Variants in CSGALNACT2 observed in about 807,000 individuals in gnomAD.
CSGALNACT2 encodes chondroitin sulfate N-acetylgalactosaminyltransferase 2, also known as beta 4 GalNAcT-2.
In CSGALNACT2, 35 loss-of-function variants were observed where a neutral mutation model predicts 55.3. That is an observed-to-expected ratio of 0.63 (90% CI 0.48 to 0.84). The LOEUF is 0.84. CSGALNACT2 is among the 40% of genes least tolerant of loss of function. The probability of loss-of-function intolerance (pLI) is 0.00; values close to 1 mark genes in which losing one functional copy is unlikely to be tolerated. For synonymous variants in CSGALNACT2, 196 were observed against 224.9 expected (o/e 0.87, Z 1.15); for missense variants, 544 against 657.5 (o/e 0.83, Z 1.89).
At chr10:43,167,491 G>A (rs948888604) in intron 6 of CSGALNACT2, among the ~76,000 whole-genome samples, 8 of 152,056 alleles carry the variant, frequency 5.3e-5, no homozygotes, top group African/African-American at 1.9e-4. Context: ...TAAATTACCT[G>A]GAAAGTCATA....
intron 1 of CSGALNACT2, among the ~76,000 whole-genome samples, chr10:43,139,291 C>T (rs910927045): frequency 6.6e-6 from 1 of 152,156 alleles, no homozygotes; most frequent in Non-Finnish European, 1.5e-5. Context: ...ATAGTAGCTT[C>T]GATCTTGGAA....
In CSGALNACT2 at chr10:43,162,325, C is replaced by G. The variant is rs1227096624; in HGVS notation, c.981-1541C>G. 4 of 820,832 alleles carry G rather than the reference C, an allele frequency of 4.9e-6. No individual in the cohort carries two copies. In the African/African-American group the frequency reaches 7.0e-5, roughly 14 times the overall value. The allele number at this position is 820,832 out of a possible 1,614,324, so 50.8% of individuals were successfully genotyped here. On this transcript the variant is annotated intron_variant, in intron 4 of 7. Transcript: ENST00000374466. ...CAGTTGAGAAAATCCCAGGGAAGGACATTTTGCCCACTCTTGAGCCAATCA... is the reference window on the plus strand; with the variant it reads ...CAGTTGAGAAAATCCCAGGGAAGGAGATTTTGCCCACTCTTGAGCCAATCA...
In CSGALNACT2 at chr10:43,183,400, C is replaced by T. The variant is rs761609779; in HGVS notation, c.1487C>T (p.Pro496Leu). 4.3e-6 allele frequency: 7 copies of T among 1,614,122 alleles called. No individual in the cohort carries two copies. The highest frequency in any genetic ancestry group is 1.1e-5 in the South Asian group (1 of 91,082). ...AAGCGCTGTGCTGATGAGCTGACCC[C>T]CGAGCAGTACCGCATGTGCATCCAG... ...HEKRCADELT[P>L]EQYRMCIQSK... is the part of the protein sequence containing the mutation. The change falls in exon 8 of 8, where the codon CCC (proline) becomes CTC (leucine). Residue 496 changes from proline to leucine, a missense_variant. Physicochemically the swap from Pro to Leu is moderately conservative, Grantham distance 98. This residue lies in a region of CSGALNACT2 where 170 missense variants were observed against 256.2 expected (regional missense o/e 0.66). Coordinates refer to ENST00000374466, the MANE Select transcript of CSGALNACT2 (RefSeq NM_018590.5).
rs1283096770 is a variant in CSGALNACT2 at position 43,163,993 on chromosome 10, A to G, written c.1108A>G (p.Ile370Val). The G allele has an allele frequency of 1.9e-6, 3 of 1,613,974 alleles. No homozygotes were observed. The highest frequency in any genetic ancestry group is 1.3e-5 in the African/African-American group (1 of 74,920). Residue 370 changes from isoleucine to valine, a missense_variant, in exon 5 of 8, where the codon ATC (isoleucine) becomes GTC (valine). By Grantham distance (29) the Ile-to-Val change is conservative. This residue lies in a region of CSGALNACT2 where 170 missense variants were observed against 256.2 expected (regional missense o/e 0.66). Coordinates refer to ENST00000374466, the MANE Select transcript of CSGALNACT2 (RefSeq NM_018590.5). ...CTTGATGTTTTTCTGTGATGTTGAT[A>G]TCTATTTCTCAGCCGAATTCCTTAA... Reference protein sequence around the residue: ...EVLMFFCDVDIYFSAEFLNSC... With the variant: ...EVLMFFCDVDVYFSAEFLNSC...
intron 6 of CSGALNACT2, among the ~76,000 whole-genome samples, chr10:43,172,249 A>T (rs1438505183): frequency 6.6e-6 from 1 of 152,262 alleles, no homozygotes; most frequent in Non-Finnish European, 1.5e-5. Context: ...TTCTCTGGTG[A>T]ATATTGCATA....
intron 7 of CSGALNACT2, among the ~76,000 whole-genome samples, chr10:43,178,388 C>T (rs1039751172): frequency 3.3e-5 from 5 of 152,180 alleles, no homozygotes; most frequent in Middle Eastern, 6.8e-3. Flanking sequence ...TTTGGGAGGC[C>T]GAGGCGGGCA....
chr10:43,155,086 C>T lies in CSGALNACT2; in HGVS notation c.-64C>T. On this transcript the variant is annotated 5_prime_UTR_variant, in exon 2 of 8. Coordinates refer to ENST00000374466, the MANE Select transcript of CSGALNACT2 (RefSeq NM_018590.5). ...TGATTTTGTTTTTAATTTTTGATAA[C>T]TTTTTACTAAAGGTATGAACACACA... 7.7e-7 allele frequency: 1 copy of T among 1,293,954 alleles called. No individual in the cohort carries two copies. The highest frequency in any genetic ancestry group is 1.1e-6 in the Non-Finnish European group (1 of 929,730). The allele number at this position is 1,293,954 out of a possible 1,614,324, so 80.2% of individuals were successfully genotyped here.
intron 1 of CSGALNACT2, among the ~76,000 whole-genome samples, chr10:43,147,782 C>CTTTTTTTTTTTTTTT (rs372639057): frequency 2.8e-5 from 3 of 108,118 alleles, no homozygotes; most frequent in African/African-American, 3.5e-5. Flanking sequence ...GTCGAGTTAT[C>CTTTTTTTTTTTTTTT]TTTTTTTTTT....
chr10:43,171,059 G>A (rs1839372559), intron 6 of CSGALNACT2, among the ~76,000 whole-genome samples: 1 of 152,152 alleles, frequency 6.6e-6, no homozygotes, highest in South Asian at 2.1e-4. Context: ...AAAAAAGACA[G>A]TAAAGGGAAA....
rs1473691433 is a variant in CSGALNACT2 at position 43,167,335 on chromosome 10, A to G, written c.1254+237A>G. Among the ~76,000 whole-genome samples the G allele has an allele frequency of 2.7e-5, 4 of 150,512 alleles. No homozygotes were observed. The East Asian group carries it at 7.7e-4, about 29-fold the overall frequency. On this transcript the variant is annotated intron_variant, in intron 6 of 7. Transcript: ENST00000374466. ...AGGGGGAGCAGAGTTTAGGTCATAAAGGAAAACCTCATGTCCCAGAATGTG... is the reference window on the plus strand; with the variant it reads ...AGGGGGAGCAGAGTTTAGGTCATAAGGGAAAACCTCATGTCCCAGAATGTG...
intron 1 of CSGALNACT2, among the ~76,000 whole-genome samples, chr10:43,150,151 G>GT (rs1432224606): frequency 6.6e-6 from 1 of 152,174 alleles, no homozygotes; most frequent in Non-Finnish European, 1.5e-5. Context: ...ATTGTGAGTA[G>GT]TTTTTTTATT....
chr10:43,152,311 G>C (rs1838893461), intron 1 of CSGALNACT2, among the ~76,000 whole-genome samples: 1 of 152,142 alleles, frequency 6.6e-6, no homozygotes, highest in Admixed American at 6.5e-5. Context: ...TTATATGATA[G>C]AACAGCTATA....
rs899107334 is a variant in CSGALNACT2, at chr10:43,183,444, G to T, written c.1531G>T (p.Ala511Ser). 6.2e-7 allele frequency: 1 copy of T among 1,614,118 alleles called. No homozygotes were observed. Among genetic ancestry groups the T allele is most frequent in the Non-Finnish European group, 8.5e-7 (1 of 1,179,988 alleles). ...MCIQSKAMNEASHSHLGMLVF... is the reference protein window; with the variant it reads ...MCIQSKAMNESSHSHLGMLVF... Reference sequence around the variant, plus strand: ...CATCCAGTCTAAAGCCATGAATGAGGCCTCTCACTCCCACCTGGGAATGCT... The same window carrying T: ...CATCCAGTCTAAAGCCATGAATGAGTCCTCTCACTCCCACCTGGGAATGCT... Residue 511 changes from alanine (A) to serine (S), a missense_variant, in exon 8 of 8, where the codon GCC becomes TCC. Physicochemically the swap from Ala to Ser is moderately conservative, Grantham distance 99 (BLOSUM62 1). Coordinates refer to ENST00000374466, the MANE Select transcript of CSGALNACT2 (RefSeq NM_018590.5).
intron 4 of CSGALNACT2, 145 bp from the exon 5 acceptor site, chr10:43,163,721 C>T: frequency 7.4e-7 from 1 of 1,348,490 alleles, no homozygotes; most frequent in Non-Finnish European, 9.5e-7. Flanking sequence ...ACACATGAAG[C>T]TGGGATTTTC....
chr10:43,181,581 T>C (rs747447470), intron 7 of CSGALNACT2, among the ~76,000 whole-genome samples: 67 of 152,050 alleles, frequency 4.4e-4, no homozygotes, highest in Non-Finnish European at 7.8e-4. Context: ...CCCCAGATTA[T>C]TGTCCATCCT....
rs1379984572 is a variant in CSGALNACT2, at chr10:43,184,208, A to T, written c.*666A>T. 6.6e-6 allele frequency: 1 copy of T among 152,346 alleles called. No homozygotes were observed. Among genetic ancestry groups the T allele is most frequent in the Non-Finnish European group, 1.5e-5 (1 of 68,122 alleles). 9.4% of individuals were successfully genotyped at this position (152,346 alleles called of 1,614,324 possible). A position where few individuals can be genotyped will look rare whatever the true frequency, so the allele number is the denominator to read the frequency against. ...GGCTTGATTAAAAATATGTTATTAC[A>T]TTATCATGTTCAGGATTAGGATTAG... On this transcript the variant is annotated 3_prime_UTR_variant, in exon 8 of 8. Transcript: ENST00000374466.
At chr10:43,143,312 TTGA>T (rs988055735) in intron 1 of CSGALNACT2, among the ~76,000 whole-genome samples, 1 of 152,236 alleles carries the variant, frequency 6.6e-6, no homozygotes, top group African/African-American at 2.4e-5. Flanking sequence ...CTTTCCTCTA[TTGA>T]TGAACATTAA....
intron 1 of CSGALNACT2, among the ~76,000 whole-genome samples, chr10:43,141,008 G>A (rs1305597238): frequency 6.6e-6 from 1 of 152,160 alleles, no homozygotes; most frequent in Non-Finnish European, 1.5e-5. Context: ...CTTCAAATTT[G>A]TTAAGGTATT....
chr10:43,158,097 A>G (rs929483954), intron 2 of CSGALNACT2, among the ~76,000 whole-genome samples: 2 of 152,140 alleles, frequency 1.3e-5, no homozygotes, highest in African/African-American at 4.8e-5. Context: ...AGGCATCTCA[A>G]ATCACTGTGT....
Sources: gnomAD v4.1 joint callset for allele counts (sites outside exome capture counted in the v4.1 genomes callset) on GRCh38, gnomAD v4.1.1 for gene constraint, gnomAD v4.1.1 regional missense constraint, MANE v1.5 for transcripts, NCBI Gene and HGNC (gene_info 2026-07-23, HGNC 2026-07-21) for gene names.